Variants in ABLIM1 observed in about 807,000 individuals in gnomAD.
The protein encoded by ABLIM1 is actin binding LIM protein 1, also known as actin-binding LIM protein 1.
ABLIM1 carries 40 observed loss-of-function variants against 107.0 expected under a neutral mutation model. The ratio of observed to expected loss-of-function variants is 0.37; its 90% CI spans 0.29 to 0.49. The LOEUF (loss-of-function observed/expected upper bound fraction) is 0.49. ABLIM1 is among the 20% of genes least tolerant of loss of function. ABLIM1 has a pLI of 0.97. For synonymous variants in ABLIM1, 357 were observed against 357.3 expected, an observed-to-expected ratio of 1.00 and a Z score of 0.01; for missense variants, 857 against 1,008.5, an observed-to-expected ratio of 0.85 and a Z score of 2.04.
intron 1 of ABLIM1, among the ~76,000 whole-genome samples, chr10:114,752,197 G>C (rs923411007): frequency 2.2e-4 from 33 of 152,170 alleles, no homozygotes; most frequent in African/African-American, 8.0e-4. Flanking sequence ...CTAAGGAATA[G>C]AGGGGACTAG....
At chr10:114,568,733 G>A (rs530572406) in intron 4 of ABLIM1, among the ~76,000 whole-genome samples, 6 of 152,296 alleles carry the variant, frequency 3.9e-5, no homozygotes, top group Middle Eastern at 3.4e-3. Flanking sequence ...ATAGAAATGG[G>A]ATTTCATCCA....
At chr10:114,460,617 A>T (rs1369448747) in intron 12 of ABLIM1, among the ~76,000 whole-genome samples, 2 of 152,200 alleles carry the variant, frequency 1.3e-5, no homozygotes, top group Non-Finnish European at 2.9e-5. Flanking sequence ...AACAAAAAAA[A>T]GCAATTTAAG....
intron 10 of ABLIM1, among the ~76,000 whole-genome samples, chr10:114,469,851 C>T (rs2066105751): frequency 6.6e-6 from 1 of 152,198 alleles, no homozygotes; most frequent in African/African-American, 2.4e-5. Context: ...GAAATTCAAA[C>T]AGAGCTATGG....
chr10:114,522,602 T>C (rs891630914), intron 6 of ABLIM1, among the ~76,000 whole-genome samples: 2 of 152,114 alleles, frequency 1.3e-5, no homozygotes, highest in South Asian at 2.1e-4. Flanking sequence ...ATAAAAGCAG[T>C]CTTAAGTGTA....
chr10:114,612,297 C>T (rs1432216048), intron 1 of ABLIM1, among the ~76,000 whole-genome samples: 1 of 152,200 alleles, frequency 6.6e-6, no homozygotes, highest in South Asian at 2.1e-4. Flanking sequence ...CCCCTATCCT[C>T]GCTCTCACAC....
chr10:114,790,626 G>A, the ABLIM1 span, among the ~76,000 whole-genome samples: 4 of 152,182 alleles, frequency 2.6e-5, no homozygotes, highest in Non-Finnish European at 5.9e-5. Context: ...GGCCCTGAGT[G>A]CACAGGTCAC....
At chr10:114,649,455 A>G (rs1168223590) in intron 1 of ABLIM1, among the ~76,000 whole-genome samples, 1 of 150,388 alleles carries the variant, frequency 6.6e-6, no homozygotes, top group East Asian at 2.0e-4. Flanking sequence ...AAATAAATAA[A>G]GGTGTTGATA....
At chr10:114,762,811 C>A (rs1219290992) in intron 1 of ABLIM1, among the ~76,000 whole-genome samples, 7 of 152,186 alleles carry the variant, frequency 4.6e-5, no homozygotes, top group Admixed American at 3.3e-4. Flanking sequence ...AACAATGTAT[C>A]ATGGCCATCC....
rs1485785627 is a variant in ABLIM1, at chr10:114,433,610, A to T, written c.*2650T>A. 6.6e-6 allele frequency: 1 copy of T among 152,216 alleles called. No individual in the cohort carries two copies. Among genetic ancestry groups the T allele is most frequent in the East Asian group, 1.9e-4 (1 of 5,192 alleles). The allele number at this position is 152,216 out of a possible 1,614,324, so 9.4% of individuals were successfully genotyped here. Reference sequence around the variant, plus strand: ...TCTTCTCAAGTTGGATGCAGAACTGAGTTTAAAAGATACAAGGAAAGCAGG... The same window carrying T: ...TCTTCTCAAGTTGGATGCAGAACTGTGTTTAAAAGATACAAGGAAAGCAGG... On this transcript the variant is annotated 3_prime_UTR_variant, in exon 23 of 23. Transcript: ENST00000533213.
At chr10:114,487,912 A>C (rs770782553) in intron 8 of ABLIM1, 46 bp downstream of exon 8, 5 of 1,603,790 alleles carry the variant, frequency 3.1e-6, no homozygotes, top group Middle Eastern at 3.3e-4. Context: ...CCACGAGCGT[A>C]TGGCCTACAA....
At chr10:114,451,541 A>G in intron 14 of ABLIM1, 83 bp downstream of exon 14, 1 of 1,292,946 alleles carries the variant, frequency 7.7e-7, no homozygotes, top group Non-Finnish European at 1.1e-6. Flanking sequence ...AAGCAGCAGC[A>G]GGAAAAGCCT....
intron 1 of ABLIM1, among the ~76,000 whole-genome samples, chr10:114,735,711 G>GC (rs964610243): frequency 1.3e-5 from 2 of 152,136 alleles, no homozygotes; most frequent in Non-Finnish European, 2.9e-5. Context: ...CTCGTGATCT[G>GC]CCCCCCTCGG....
chr10:114,491,811 CCTT>C lies in ABLIM1; in HGVS notation c.959_961del (p.Glu320del). ...CTCACCTTGAAGATACATTTCCTCT[CCTT>C]CTGTGAACATCTGGTTGCATCTGCT... On this transcript the variant is annotated inframe_deletion, in exon 7 of 23. Transcript: ENST00000533213. 1.2e-6 allele frequency: 2 copies of C among 1,612,086 alleles called. No homozygotes were observed. Among genetic ancestry groups the C allele is most frequent in the Non-Finnish European group, 1.7e-6 (2 of 1,178,356 alleles).
At chr10:114,505,549 G>A (rs1032643923) in intron 6 of ABLIM1, among the ~76,000 whole-genome samples, 1 of 152,178 alleles carries the variant, frequency 6.6e-6, no homozygotes, top group Non-Finnish European at 1.5e-5. Context: ...AAGGAATAGG[G>A]CAGTATCAGA....
intron 8 of ABLIM1, among the ~76,000 whole-genome samples, chr10:114,475,953 T>C (rs1374191827): frequency 6.6e-6 from 1 of 152,194 alleles, no homozygotes; most frequent in Non-Finnish European, 1.5e-5. Flanking sequence ...CTATTGGTGT[T>C]TAATACCTTG....
chr10:114,431,594 G>C lies in ABLIM1; in HGVS notation c.*4666C>G, dbSNP rs557381520. The C allele has an allele frequency of 4.6e-5, 7 of 152,312 alleles. No individual in the cohort carries two copies. In the South Asian group the frequency reaches 1.5e-3, roughly 32 times the overall value. 9.4% of individuals were successfully genotyped at this position (152,312 alleles called of 1,614,324 possible). On this transcript the variant is annotated 3_prime_UTR_variant, in exon 23 of 23. Coordinates refer to ENST00000533213, the MANE Select transcript of ABLIM1 (RefSeq NM_002313.7). ...ATGGTTTCCTCTGCTGTAAAGAAAC[G>C]TATGCATATATGATCAGTAAGCAGC...
At chr10:114,700,550 G>A (rs79013169) in intron 1 of ABLIM1, among the ~76,000 whole-genome samples, 3,612 of 151,136 alleles carry the variant, frequency 0.024, 64 homozygotes, top group Middle Eastern at 0.041. Context: ...TACTCTACAT[G>A]GCATAATTAA....
intron 1 of ABLIM1, among the ~76,000 whole-genome samples, chr10:114,728,380 A>C (rs1413267635): frequency 1.3e-5 from 2 of 151,626 alleles, no homozygotes; most frequent in African/African-American, 4.9e-5. Context: ...TGCACGCTGC[A>C]TCAGGAAGAC....
chr10:114,455,191 G>A (rs1242249784), intron 12 of ABLIM1, among the ~76,000 whole-genome samples: 1 of 152,184 alleles, frequency 6.6e-6, no homozygotes, highest in East Asian at 1.9e-4. Context: ...TAAATGGGCA[G>A]TAAGATATTC....
Sources: gnomAD v4.1 joint callset for allele counts (sites outside exome capture counted in the v4.1 genomes callset) on GRCh38, gnomAD v4.1.1 for gene constraint, MANE v1.5 for transcripts, NCBI Gene and HGNC (gene_info 2026-07-23, HGNC 2026-07-21) for gene names.